MCF2: variants seen among roughly 807,000 people sequenced by gnomAD.
MCF2 encodes the protein proto-oncogene DBL.
In MCF2, 44 loss-of-function variants were observed where a neutral mutation model predicts 82.5. The ratio of observed to expected loss-of-function variants is 0.53; its 90% CI spans 0.42 to 0.69. MCF2 has a LOEUF of 0.69. Among genes scored for constraint, MCF2 ranks in the 30% least tolerant of loss-of-function variants. The pLI is 0.00. For missense variants in MCF2, 623 were observed against 663.1 expected, an observed-to-expected ratio of 0.94 and a Z score of 0.66; for synonymous variants, 217 against 224.9, an observed-to-expected ratio of 0.96 and a Z score of 0.32.
At chrX:139,641,497 A>G (rs907661790) in intron 1 of MCF2, among the ~76,000 whole-genome samples, 1 of 111,360 alleles carries the variant, frequency 9.0e-6, no homozygotes, top group East Asian at 2.8e-4. Context: ...TCATTCAACA[A>G]TAATAAAAGT....
chrX:139,641,673 G>T (rs1475212344), intron 1 of MCF2, among the ~76,000 whole-genome samples: 2 of 111,329 alleles, frequency 1.8e-5, no homozygotes, highest in Admixed American at 1.9e-4. Context: ...AAGAAAAAGA[G>T]TGGCATTTAA....
At chrX:139,582,358 C>A (rs936996118) in exon 25 of MCF2, 12 of 803,464 alleles carry the variant, frequency 1.5e-5, no homozygotes, top group Non-Finnish European at 3.8e-6. Flanking sequence ...TGTCCATTAA[C>A]CTGAAAACAA....
At chrX:139,617,876 C>T (rs754003937) in intron 7 of MCF2, among the ~76,000 whole-genome samples, 172 bp from the exon 11 acceptor site, 1 of 107,198 alleles carries the variant, frequency 9.3e-6, no homozygotes, top group Non-Finnish European at 1.9e-5. Flanking sequence ...AACAAACAAA[C>T]AAAAAAACAA....
intron 16 of MCF2, 89 bp from the exon 21 acceptor site, chrX:139,598,587 C>T (rs1036285296): frequency 1.8e-5 from 8 of 445,850 alleles, no homozygotes; most frequent in Non-Finnish European, 2.9e-5. Context: ...CCTAATGCCC[C>T]AATGTTTCTT....
Position 139,640,202 on chromosome X carries a change from C to T in MCF2, c.51+2266G>A, listed in dbSNP as rs1228896447. ...AACATTTGAAACAAGTTGCTGGAAA[C>T]AATTTAGCATATACAGTCCACCAAA... On this transcript the variant is annotated intron_variant, in intron 1 of 24. Coordinates refer to ENST00000370576, the Ensembl canonical transcript of MCF2. Among the ~76,000 whole-genome samples the T allele has an allele frequency of 7.1e-5, 8 of 111,892 alleles. No individual in the cohort carries two copies. The East Asian group carries it at 2.3e-3, about 32-fold the overall frequency.
intron 1 of MCF2, among the ~76,000 whole-genome samples, chrX:139,658,343 T>A (rs1018124793): frequency 1.5e-4 from 17 of 111,024 alleles, no homozygotes; most frequent in African/African-American, 5.5e-4. Context: ...AATGTGGGTT[T>A]TTTTTTTCCC....
intron 3 of MCF2, 92 bp downstream of exon 6, chrX:139,631,303 T>TG (rs1932916693): frequency 2.4e-6 from 1 of 416,233 alleles, no homozygotes; most frequent in South Asian, 5.8e-5. Context: ...TGTTTTGTTT[T>TG]GTTTTTTTCA....
At chrX:139,629,387 C>A (rs113282892) in intron 4 of MCF2, among the ~76,000 whole-genome samples, 2,268 of 111,768 alleles carry the variant, frequency 0.02, 59 homozygotes, top group African/African-American at 0.068. Flanking sequence ...TCATTGATCA[C>A]AACAACCTTA....
chrX:139,643,826 T>G (rs187366351), upstream of MCF2, among the ~76,000 whole-genome samples: 75 of 111,593 alleles, frequency 6.7e-4, no homozygotes, highest in Middle Eastern at 4.6e-3. Context: ...CCACCTATTT[T>G]GAATAATAAA....
intron 1 of MCF2, among the ~76,000 whole-genome samples, chrX:139,671,744 G>T (rs1020521400): frequency 3.3e-4 from 37 of 111,814 alleles, no homozygotes; most frequent in Non-Finnish European, 5.6e-4. Context: ...AAGACAGGTA[G>T]CATGACGCCT....
At chrX:139,603,446 T>C (rs1270253434) in intron 15 of MCF2, among the ~76,000 whole-genome samples, 1 of 112,759 alleles carries the variant, frequency 8.9e-6, no homozygotes, top group Non-Finnish European at 1.9e-5. Context: ...ATGAGTAGGA[T>C]AGACATTACA....
intron 1 of MCF2, chrX:139,691,895 G>C: frequency 8.7e-7 from 1 of 1,155,642 alleles, no homozygotes; most frequent in South Asian, 1.9e-5. Context: ...CCGGGGAGGA[G>C]ATGAGAGGAG....
intron 1 of MCF2, among the ~76,000 whole-genome samples, chrX:139,634,760 A>G (rs1228483210): frequency 9.0e-6 from 1 of 111,141 alleles, no homozygotes; most frequent in Non-Finnish European, 1.9e-5. Flanking sequence ...ATTTTCCTAC[A>G]CGGCCCTGCC....
intron 1 of MCF2, among the ~76,000 whole-genome samples, chrX:139,691,386 C>T (rs1366039940): frequency 1.8e-5 from 2 of 111,437 alleles, no homozygotes; most frequent in Non-Finnish European, 3.8e-5. Context: ...ATTGCTTTTT[C>T]AACTTCAGGG....
At chrX:139,587,743 A>C in exon 22 of MCF2, 1 of 1,196,430 alleles carries the variant, frequency 8.4e-7, no homozygotes, top group Admixed American at 2.2e-5. Context: ...AGAAATCTGA[A>C]ACTTATCCCG....
At chrX:139,690,338 GTTTTTT>G (rs145515088) in intron 1 of MCF2, among the ~76,000 whole-genome samples, 1 of 75,753 alleles carries the variant, frequency 1.3e-5, no homozygotes, top group African/African-American at 4.9e-5. Context: ...CTCCAAAGGA[GTTTTTT>G]TTTTTTTTTT....
At chrX:139,669,471 C>T (rs1034982814) in intron 1 of MCF2, among the ~76,000 whole-genome samples, 10 of 112,340 alleles carry the variant, frequency 8.9e-5, no homozygotes, top group African/African-American at 2.9e-4. Flanking sequence ...TCATCCCCTA[C>T]GGAATAGAGT....
chrX:139,625,583 T>C (rs1932721174), intron 6 of MCF2, among the ~76,000 whole-genome samples: 1 of 111,626 alleles, frequency 9.0e-6, no homozygotes, highest in African/African-American at 3.3e-5. Flanking sequence ...TTGGATCCTC[T>C]GGTGAAGTAT....
At chrX:139,599,245 T>A (rs1193818284) in intron 16 of MCF2, among the ~76,000 whole-genome samples, 1 of 105,625 alleles carries the variant, frequency 9.5e-6, no homozygotes, top group African/African-American at 3.4e-5. Context: ...GTGATTGTGG[T>A]TTTTGCCATT....
Sources: gnomAD v4.1 joint callset for allele counts (sites outside exome capture counted in the v4.1 genomes callset) on GRCh38, gnomAD v4.1.1 for gene constraint, MANE v1.5 for transcripts, NCBI Gene and HGNC (gene_info 2026-07-23, HGNC 2026-07-21) for gene names.